PHF6: variants seen among roughly 807,000 people sequenced by gnomAD.
PHF6 encodes PHD-like zinc finger protein.
Under a neutral mutation model 34.0 loss-of-function variants are expected in PHF6, and 7 were observed. The ratio of observed to expected loss-of-function variants is 0.21; its 90% confidence interval spans 0.12 to 0.39. The LOEUF (loss-of-function observed/expected upper bound fraction) is 0.39. PHF6 is among the 10% of genes least tolerant of loss of function. The pLI is 1.00. For missense variants in PHF6, 128 were observed against 262.8 expected, an observed-to-expected ratio of 0.49 and a Z score of 3.55; for synonymous variants, 89 against 88.4, an observed-to-expected ratio of 1.01 and a Z score of -0.04.
At chrX:134,376,792 A>G (rs1421737172) in intron 1 of PHF6, among the ~76,000 whole-genome samples, 2 of 112,086 alleles carry the variant, frequency 1.8e-5, no homozygotes, top group Admixed American at 1.9e-4. Flanking sequence ...TCAGAAGCCT[A>G]ACTTTTTATT....
At chrX:134,414,630 T>C (rs1301670988) in intron 7 of PHF6, among the ~76,000 whole-genome samples, 2 of 107,849 alleles carry the variant, frequency 1.9e-5, no homozygotes, top group Non-Finnish European at 3.9e-5. Flanking sequence ...ATAGATCTCG[T>C]ATATGTCTAG....
chrX:134,404,326 T>C (rs1418911987), intron 5 of PHF6, among the ~76,000 whole-genome samples: 1 of 111,893 alleles, frequency 8.9e-6, no homozygotes, highest in African/African-American at 3.2e-5. Flanking sequence ...GCAGATGTGG[T>C]AGAAATAGCA....
At chrX:134,402,234 T>A (rs996078621) in intron 5 of PHF6, among the ~76,000 whole-genome samples, 3 of 112,391 alleles carry the variant, frequency 2.7e-5, no homozygotes, top group Admixed American at 9.5e-5. Context: ...GACCTCGTGA[T>A]CCGCCCACCT....
chrX:134,404,038 C>T (rs112389615), intron 5 of PHF6, among the ~76,000 whole-genome samples: 118 of 112,016 alleles, frequency 1.1e-3, no homozygotes, highest in African/African-American at 3.7e-3. Context: ...GTTCTTAGAG[C>T]CCGTGGATCA....
intron 1 of PHF6, among the ~76,000 whole-genome samples, chrX:134,375,488 A>G (rs1421793590): frequency 9.0e-6 from 1 of 111,717 alleles, no homozygotes; most frequent in African/African-American, 3.2e-5. Context: ...TTTTAAGAAT[A>G]CGAAGTGATT....
At position 134,380,419 on chromosome X, in the gene PHF6, C is replaced by T. The variant is rs5933407; in HGVS notation, c.240+2313C>T. On this transcript the variant is annotated intron_variant, in intron 3 of 10. Coordinates refer to ENST00000370803, the MANE Select transcript of PHF6 (RefSeq NM_001015877.2). ...AAAGTTCTGGGATTACAGGTGTGAG[C>T]CACCGCGCCCGGCCTTGGACCTATT... Among the ~76,000 whole-genome samples the T allele has an allele frequency of 2.1e-3, 232 of 111,651 alleles. 2 individuals are homozygous for T. Among genetic ancestry groups the T allele is most frequent in the Admixed American group, 4.0e-3 (42 of 10,559 alleles).
rs147910518 is a variant in PHF6, at chrX:134,388,060, A to G, written c.241-5441A>G. Among the ~76,000 whole-genome samples, 369 of 112,032 alleles carry G rather than the reference A, an allele frequency of 3.3e-3. 1 individual carries two copies. The highest frequency in any genetic ancestry group is 0.011 in the African/African-American group (348 of 30,885). ...GAGTTCGTATTCCACCCTCCCATGA[A>G]GTGGCACTTTTTAAGGAATTTTTAA... On this transcript the variant is annotated intron_variant, in intron 3 of 10. Transcript: ENST00000370803.
chrX:134,403,230 T>C (rs1046133806), intron 5 of PHF6, among the ~76,000 whole-genome samples: 3 of 112,111 alleles, frequency 2.7e-5, no homozygotes, highest in Non-Finnish European at 3.8e-5. Context: ...AAAGAAAAGT[T>C]CTTGGAGGAA....
At chrX:134,418,867 G>A (rs1377871617) in intron 9 of PHF6, 2 of 105,580 alleles carry the variant, frequency 1.9e-5, no homozygotes, top group African/African-American at 7.0e-5. Context: ...CTTTGAGACA[G>A]GATCTGACTC....
At chrX:134,386,987 CTT>C (rs1346272069) in intron 3 of PHF6, among the ~76,000 whole-genome samples, 2 of 111,514 alleles carry the variant, frequency 1.8e-5, no homozygotes. Flanking sequence ...AAAGAGGTAA[CTT>C]TTCTTCCTGA....
At chrX:134,425,139 T>C in intron 9 of PHF6, 62 bp from the exon 10 acceptor site, 1 of 1,184,596 alleles carries the variant, frequency 8.4e-7, no homozygotes, top group Non-Finnish European at 1.1e-6. Flanking sequence ...CCACTAATGT[T>C]GGCAGGAATG....
chrX:134,419,102 T>C (rs1266396053), intron 9 of PHF6: 1 of 111,784 alleles, frequency 8.9e-6, no homozygotes, highest in Non-Finnish European at 1.9e-5. Context: ...TCTCCCTGCC[T>C]CAGTCTTCTA....
chrX:134,418,522 A>G (rs1228962147), intron 9 of PHF6: 1 of 111,679 alleles, frequency 9.0e-6, no homozygotes, highest in Non-Finnish European at 1.9e-5. Flanking sequence ...CAATAAACCA[A>G]TGACTTCCGG....
intron 5 of PHF6, among the ~76,000 whole-genome samples, chrX:134,394,889 G>A (rs1170209075): frequency 2.0e-5 from 2 of 100,873 alleles, no homozygotes; most frequent in Non-Finnish European, 4.0e-5. Context: ...ACGGAATCTC[G>A]CTCTGTTGCC....
chrX:134,405,754 A>T (rs1419642884), intron 5 of PHF6, among the ~76,000 whole-genome samples: 2 of 110,272 alleles, frequency 1.8e-5, no homozygotes, highest in African/African-American at 6.6e-5. Context: ...TGTATGTTAC[A>T]AATTTGTATA....
chrX:134,413,050 T>C (rs937390030), intron 5 of PHF6, among the ~76,000 whole-genome samples: 1 of 112,054 alleles, frequency 8.9e-6, no homozygotes, highest in African/African-American at 3.2e-5. Flanking sequence ...GCTCTTGCAG[T>C]GCGGTCAGTG....
intron 3 of PHF6, among the ~76,000 whole-genome samples, chrX:134,380,178 G>A (rs1230716363): frequency 2.0e-5 from 2 of 97,703 alleles, no homozygotes; most frequent in Non-Finnish European, 4.1e-5. Context: ...ACAGAGTCTC[G>A]CTCTGTCGCC....
In PHF6 at chrX:134,428,641, G is replaced by T. The variant is rs1418031128; in HGVS notation, c.*2981G>T. 1 of 147,411 alleles carries T rather than the reference G, an allele frequency of 6.8e-6. No individual in the cohort carries two copies. The highest frequency in any genetic ancestry group is 1.1e-4 in the East Asian group (1 of 9,325). The allele number at this position is 147,411 out of a possible 1,213,427, so 12.1% of individuals were successfully genotyped here. Reference sequence around the variant, plus strand: ...ATTGTAAAGATAAGGAATGCATTATGGGTCAAAAATCAAACATTCCTCTCA... The same window carrying T: ...ATTGTAAAGATAAGGAATGCATTATTGGTCAAAAATCAAACATTCCTCTCA... On this transcript the variant is annotated 3_prime_UTR_variant, in exon 11 of 11. Coordinates refer to ENST00000370803, the MANE Select transcript of PHF6 (RefSeq NM_001015877.2).
intron 9 of PHF6, among the ~76,000 whole-genome samples, chrX:134,421,800 C>T (rs769368035): frequency 5.3e-5 from 5 of 94,668 alleles, no homozygotes; most frequent in Non-Finnish European, 6.1e-5. Flanking sequence ...TTCTTTTATT[C>T]GTTTGCTTTC....
Sources: allele counts gnomAD v4.1 joint callset (sites outside exome capture counted in the v4.1 genomes callset), GRCh38; gene constraint gnomAD v4.1.1; transcripts MANE v1.5; gene names NCBI Gene and HGNC (gene_info 2026-07-23, HGNC 2026-07-21).